The following TRDN variants were observed in gnomAD, a reference collection of about 807,000 sequenced individuals.
TRDN encodes triadin in skeletal muscle.
TRDN carries 161 observed loss-of-function variants against 149.7 expected under a neutral mutation model. The observed-to-expected ratio is 1.08, with a 90% CI of 0.95 to 1.23. The LOEUF (loss-of-function observed/expected upper bound fraction) is 1.23. Ranked by LOEUF, TRDN falls within the 50% of genes most tolerant of loss-of-function variation. The pLI is 0.00. For missense variants in TRDN, 896 were observed against 823.5 expected (o/e 1.09, Z -1.08); for synonymous variants, 294 against 250.5 (o/e 1.17, Z -1.64).
intron 38 of TRDN, among the ~76,000 whole-genome samples, chr6:123,226,875 T>C (rs926768737): frequency 6.6e-6 from 1 of 151,744 alleles, no homozygotes; most frequent in African/African-American, 2.4e-5. Flanking sequence ...TGTCGGACTG[T>C]CAGGAAAATG....
chr6:123,253,086 T>C (rs1212812384), intron 37 of TRDN, among the ~76,000 whole-genome samples: 1 of 152,068 alleles, frequency 6.6e-6, no homozygotes, highest in Non-Finnish European at 1.5e-5. Flanking sequence ...GACTATAAAA[T>C]ACATCTTAAA....
intron 2 of TRDN, among the ~76,000 whole-genome samples, chr6:123,559,739 A>G (rs1781877541): frequency 6.6e-6 from 1 of 152,208 alleles, no homozygotes; most frequent in South Asian, 2.1e-4. Flanking sequence ...CTAAAACCAG[A>G]CAAGCCTTAC....
chr6:123,230,007 C>A (rs1325177081), intron 38 of TRDN, among the ~76,000 whole-genome samples: 2 of 151,554 alleles, frequency 1.3e-5, no homozygotes, highest in East Asian at 1.9e-4. Context: ...TATTAAAGAC[C>A]CCAAAATATT....
chr6:123,493,877 T>C (rs1356471602), intron 9 of TRDN, among the ~76,000 whole-genome samples: 1 of 152,196 alleles, frequency 6.6e-6, no homozygotes, highest in Non-Finnish European at 1.5e-5. Flanking sequence ...GCAAGTCATA[T>C]TTAATGCTTT....
intron 10 of TRDN, among the ~76,000 whole-genome samples, chr6:123,447,409 C>T (rs147539526): frequency 6.6e-6 from 1 of 152,062 alleles, no homozygotes; most frequent in African/African-American, 2.4e-5. Context: ...AAACAGTAGA[C>T]GTGAAGCATG....
intron 9 of TRDN, among the ~76,000 whole-genome samples, chr6:123,477,802 C>T (rs562055249): frequency 6.6e-5 from 10 of 150,998 alleles, no homozygotes; most frequent in Non-Finnish European, 1.3e-4. Context: ...AGTAAACTAT[C>T]GCAAGAACAA....
At chr6:123,622,712 G>T (rs868342433) in intron 1 of TRDN, among the ~76,000 whole-genome samples, 1 of 152,090 alleles carries the variant, frequency 6.6e-6, no homozygotes, top group African/African-American at 2.4e-5. Context: ...TTTTACACTT[G>T]TATATAGAGT....
At chr6:123,454,634 G>A (rs1775991402) in intron 10 of TRDN, among the ~76,000 whole-genome samples, 1 of 152,188 alleles carries the variant, frequency 6.6e-6, no homozygotes, top group Admixed American at 6.5e-5. Context: ...TGCCCTGTTA[G>A]GAACTAGGGT....
chr6:123,297,675 T>C (rs1377667222), intron 24 of TRDN, among the ~76,000 whole-genome samples: 1 of 152,040 alleles, frequency 6.6e-6, no homozygotes, highest in African/African-American at 2.4e-5. Context: ...TAAGATTTGG[T>C]TGAAATGTAG....
chr6:123,254,312 G>C (rs555392873), intron 37 of TRDN, among the ~76,000 whole-genome samples: 1 of 151,790 alleles, frequency 6.6e-6, no homozygotes, highest in African/African-American at 2.4e-5. Flanking sequence ...ATAATTTTAC[G>C]TGTGAAAGGT....
At chr6:123,434,785 A>G (rs1464321947) in intron 12 of TRDN, among the ~76,000 whole-genome samples, 4 of 152,020 alleles carry the variant, frequency 2.6e-5, no homozygotes, top group Non-Finnish European at 5.9e-5. Context: ...AATTTTACAT[A>G]ATGTTTTTAA....
intron 38 of TRDN, among the ~76,000 whole-genome samples, chr6:123,246,170 TA>T (rs759041453): frequency 5.1e-4 from 78 of 151,992 alleles, no homozygotes; most frequent in Middle Eastern, 6.8e-3. Context: ...ACATCACAAT[TA>T]AAAGAACTAG....
intron 20 of TRDN, among the ~76,000 whole-genome samples, chr6:123,356,099 C>T (rs977012489): frequency 1.3e-5 from 2 of 151,596 alleles, no homozygotes; most frequent in Non-Finnish European, 3.0e-5. Context: ...TCTCTATTTG[C>T]ATATTTATGA....
At position 123,287,369 on chromosome 6, in the gene TRDN, C is replaced by T. The variant is rs559310554; in HGVS notation, c.1511-8287G>A. 3.3e-5 allele frequency among the ~76,000 whole-genome samples: 5 copies of T among 152,214 alleles called. No individual in the cohort carries two copies. The East Asian group carries it at 7.7e-4, about 24-fold the overall frequency. On this transcript the variant is annotated intron_variant, in intron 24 of 40. Transcript: ENST00000334268. ...AAGAGTAGATTACTGGGGGAGAATT[C>T]TGTAAGGCAGTGGTTCTCAAACAAC...
At chr6:123,558,421 C>T (rs1472161346) in intron 2 of TRDN, among the ~76,000 whole-genome samples, 3 of 152,114 alleles carry the variant, frequency 2.0e-5, no homozygotes, top group South Asian at 2.1e-4. Context: ...TAGCCCTCCC[C>T]CACCTGCCCA....
At chr6:123,471,962 A>G (rs1413430215) in intron 9 of TRDN, among the ~76,000 whole-genome samples, 1 of 152,210 alleles carries the variant, frequency 6.6e-6, no homozygotes, top group Non-Finnish European at 1.5e-5. Context: ...AAGAATGTAA[A>G]AGACTTTTGA....
intron 12 of TRDN, among the ~76,000 whole-genome samples, chr6:123,422,600 A>G (rs1174645682): frequency 6.6e-6 from 1 of 152,192 alleles, no homozygotes; most frequent in African/African-American, 2.4e-5. Context: ...ATTAATCATG[A>G]TGAATCAAAC....
chr6:123,634,455 A>G (rs1488227068), intron 1 of TRDN, among the ~76,000 whole-genome samples: 2 of 151,952 alleles, frequency 1.3e-5, no homozygotes, highest in Non-Finnish European at 2.9e-5. Context: ...AAAATAAAAT[A>G]AATAAATAAA....
intron 4 of TRDN, among the ~76,000 whole-genome samples, chr6:123,538,368 A>G (rs1372613244): frequency 6.6e-6 from 1 of 152,206 alleles, no homozygotes; most frequent in African/African-American, 2.4e-5. Context: ...AAATAATGCC[A>G]AACACAGCTG....
Sources: gnomAD v4.1 joint callset for allele counts (sites outside exome capture counted in the v4.1 genomes callset) on GRCh38, gnomAD v4.1.1 for gene constraint, MANE v1.5 for transcripts, NCBI Gene and HGNC (gene_info 2026-07-23, HGNC 2026-07-21) for gene names.